ULK4: variants seen among roughly 807,000 people sequenced by gnomAD.
ULK4 encodes the protein unc-51 like kinase 4.
Under a neutral mutation model 160.6 loss-of-function variants are expected in ULK4, and 133 were observed. The ratio of observed to expected loss-of-function variants is 0.83; its 90% CI spans 0.72 to 0.96. The LOEUF (loss-of-function observed/expected upper bound fraction) is 0.96. ULK4 is among the 40% of genes least tolerant of loss of function. The pLI, the probability that ULK4 is intolerant of heterozygous loss-of-function variation, is 0.00. For missense variants in ULK4, 1,580 were observed against 1,499.5 expected, an observed-to-expected ratio of 1.05 and a Z score of -0.89; for synonymous variants, 534 against 539.8, an observed-to-expected ratio of 0.99 and a Z score of 0.15.
chr3:41,387,473 T>C (rs1303155209), intron 35 of ULK4, among the ~76,000 whole-genome samples: 1 of 152,148 alleles, frequency 6.6e-6, no homozygotes. Context: ...GCTGCACCCA[T>C]CAACTCATCC....
At chr3:41,913,301 C>G (rs1288318671) in intron 8 of ULK4, 2 of 155,166 alleles carry the variant, frequency 1.3e-5, no homozygotes, top group African/African-American at 5.0e-5. Flanking sequence ...TCTCGGCTCA[C>G]TGCAAACTCT....
chr3:41,689,539 C>G (rs2036212074), intron 27 of ULK4, among the ~76,000 whole-genome samples: 1 of 152,160 alleles, frequency 6.6e-6, no homozygotes, highest in Admixed American at 6.5e-5. Flanking sequence ...GCAACCTACT[C>G]ATCTGACAAA....
intron 35 of ULK4, among the ~76,000 whole-genome samples, chr3:41,302,213 A>G (rs1029687202): frequency 1.3e-5 from 2 of 152,240 alleles, no homozygotes; most frequent in Admixed American, 1.3e-4. Flanking sequence ...TAACTTTTTA[A>G]AAGTCATTTT....
chr3:41,614,309 A>C (rs1461487733), intron 31 of ULK4, among the ~76,000 whole-genome samples: 1 of 152,234 alleles, frequency 6.6e-6, no homozygotes, highest in Non-Finnish European at 1.5e-5. Flanking sequence ...ATTCAAATGT[A>C]GCTGAGTTTG....
At chr3:41,896,771 C>A (rs762208181) in intron 15 of ULK4, 51 bp downstream of exon 15, 214 of 1,520,440 alleles carry the variant, frequency 1.4e-4, no homozygotes, top group Middle Eastern at 6.9e-4. Flanking sequence ...CTTGTTTGAG[C>A]CTCTATAAAA....
chr3:41,561,966 T>C (rs982029776), intron 32 of ULK4, among the ~76,000 whole-genome samples: 1 of 152,204 alleles, frequency 6.6e-6, no homozygotes, highest in South Asian at 2.1e-4. Flanking sequence ...GTGCAGATTT[T>C]AGATCTTTTC....
At chr3:41,493,252 C>T (rs1427714808) in intron 32 of ULK4, among the ~76,000 whole-genome samples, 1 of 146,478 alleles carries the variant, frequency 6.8e-6, no homozygotes, top group East Asian at 1.9e-4. Context: ...TGCAATCAAA[C>T]TAGAACTCAG....
At chr3:41,483,064 C>T (rs893604812) in intron 32 of ULK4, among the ~76,000 whole-genome samples, 1 of 152,142 alleles carries the variant, frequency 6.6e-6, no homozygotes, top group African/African-American at 2.4e-5. Flanking sequence ...TTAATTAGTA[C>T]TGACTATAGT....
intron 30 of ULK4, among the ~76,000 whole-genome samples, chr3:41,643,441 A>C (rs2034329734): frequency 6.6e-6 from 1 of 152,218 alleles, no homozygotes; most frequent in Non-Finnish European, 1.5e-5. Flanking sequence ...CCATTTATTA[A>C]ATAGGAAATC....
intron 31 of ULK4, among the ~76,000 whole-genome samples, chr3:41,569,506 A>G (rs2371592): frequency 0.54 from 82,808 of 152,024 alleles, 25,723 homozygotes; most frequent in Non-Finnish European, 0.69. Context: ...ACCTTAAAAA[A>G]AACTGAAAAA....
chr3:41,496,360 T>C (rs2084989831), intron 32 of ULK4, among the ~76,000 whole-genome samples: 1 of 152,124 alleles, frequency 6.6e-6, no homozygotes, highest in Admixed American at 6.6e-5. Flanking sequence ...CAACTGTTTT[T>C]CAAATGTCAG....
chr3:41,903,791 G>GA (rs1002811586), intron 12 of ULK4, among the ~76,000 whole-genome samples: 2 of 151,972 alleles, frequency 1.3e-5, no homozygotes, highest in Non-Finnish European at 2.9e-5. Flanking sequence ...ATCATTAAAT[G>GA]AAAATAATTG....
At chr3:41,602,924 A>C (rs1362312038) in intron 31 of ULK4, among the ~76,000 whole-genome samples, 1 of 152,148 alleles carries the variant, frequency 6.6e-6, no homozygotes, top group African/African-American at 2.4e-5. Flanking sequence ...GAAAACAGGA[A>C]ACAAAATGCA....
intron 16 of ULK4, among the ~76,000 whole-genome samples, chr3:41,888,245 T>A (rs1484915048): frequency 2.6e-5 from 4 of 152,230 alleles, no homozygotes; most frequent in African/African-American, 9.6e-5. Context: ...CTGTCTTTAA[T>A]GATTGCAGAC....
chr3:41,937,482 C>G, intron 3 of ULK4: 2 of 560,334 alleles, frequency 3.6e-6, no homozygotes, highest in Non-Finnish European at 6.3e-6. Context: ...TTTATTGTTA[C>G]TCAATGTATA....
At chr3:41,508,286 G>A (rs1423450420) in intron 32 of ULK4, among the ~76,000 whole-genome samples, 1 of 152,046 alleles carries the variant, frequency 6.6e-6, no homozygotes, top group African/African-American at 2.4e-5. Flanking sequence ...AGCAAGCCCT[G>A]CCCAAGGAGA....
intron 21 of ULK4, among the ~76,000 whole-genome samples, chr3:41,784,410 G>A (rs2039942534): frequency 6.6e-6 from 1 of 152,084 alleles, no homozygotes; most frequent in Non-Finnish European, 1.5e-5. Flanking sequence ...CTCCAGCCTG[G>A]AAATCAAGCA....
intron 27 of ULK4, among the ~76,000 whole-genome samples, chr3:41,688,478 G>A (rs2036173812): frequency 6.6e-6 from 1 of 152,128 alleles, no homozygotes; most frequent in South Asian, 2.1e-4. Context: ...AAGTTTTCTT[G>A]GGGCCACTTT....
At chr3:41,251,854 C>A (rs2078748655) in intron 35 of ULK4, among the ~76,000 whole-genome samples, 1 of 152,160 alleles carries the variant, frequency 6.6e-6, no homozygotes, top group Non-Finnish European at 1.5e-5. Flanking sequence ...CCCAGAGAAC[C>A]AGAAAGTACT....
Sources: allele counts gnomAD v4.1 joint callset (sites outside exome capture counted in the v4.1 genomes callset), GRCh38; gene constraint gnomAD v4.1.1; transcripts MANE v1.5; gene names NCBI Gene and HGNC (gene_info 2026-07-23, HGNC 2026-07-21).